The following TMPRSS3 variants were observed in gnomAD, a reference collection of about 807,000 sequenced individuals.
TMPRSS3 encodes transmembrane protease serine 3.
A neutral mutation model predicts 59.6 loss-of-function variants in TMPRSS3; 55 were observed. That is an observed-to-expected ratio of 0.92 (90% CI 0.74 to 1.16). The LOEUF (loss-of-function observed/expected upper bound fraction) is 1.16. Among genes scored for constraint, TMPRSS3 ranks in the 50% most tolerant of loss-of-function variants. The pLI is 0.00. For missense variants in TMPRSS3, 596 were observed against 579.4 expected, an observed-to-expected ratio of 1.03 and a Z score of -0.29; for synonymous variants, 257 against 237.7, an observed-to-expected ratio of 1.08 and a Z score of -0.75.
Position 42,383,212 on chromosome 21 carries a change from C to G in TMPRSS3, c.617-14G>C. 6.2e-7 allele frequency: 1 copy of G among 1,614,036 alleles called. No individual in the cohort carries two copies. Among genetic ancestry groups the G allele is most frequent in the South Asian group, 1.1e-5 (1 of 91,076 alleles). On this transcript the variant is annotated splice_polypyrimidine_tract_variant and intron_variant, in intron 7 of 12. Coordinates refer to ENST00000644384, the MANE Select transcript of TMPRSS3 (RefSeq NM_001256317.3). ...TATGACCACAGGCTATGGAGGGGAA[C>G]AAAGGCTTGTGGGTCCACCCTGCAG...
Position 42,378,557 on chromosome 21 carries a change from G to A in TMPRSS3, c.1048+1560C>T, listed in dbSNP as rs144562087. 9.8e-5 allele frequency among the ~76,000 whole-genome samples: 15 copies of A among 152,320 alleles called. No individual in the cohort carries two copies. The East Asian group carries it at 2.9e-3, about 29-fold the overall frequency. On this transcript the variant is annotated intron_variant, in intron 10 of 12. Coordinates refer to ENST00000644384, the MANE Select transcript of TMPRSS3 (RefSeq NM_001256317.3). Reference sequence around the variant, plus strand: ...AGACACAGGGGGCAAAGCCACGGGAGGAAGGAGGCTGAGGCTGGAGATCCA... The same window carrying A: ...AGACACAGGGGGCAAAGCCACGGGAAGAAGGAGGCTGAGGCTGGAGATCCA...
chr21:42,374,342 G>A (rs2146418535), intron 12 of TMPRSS3, among the ~76,000 whole-genome samples: 1 of 152,370 alleles, frequency 6.6e-6, no homozygotes, highest in South Asian at 2.1e-4. Context: ...GGCAGTGCTG[G>A]AGGTGAAGCT....
chr21:42,382,835 A>G lies in TMPRSS3; in HGVS notation c.782+198T>C, dbSNP rs1423664047. 6.0e-6 allele frequency: 4 copies of G among 669,384 alleles called. No individual in the cohort carries two copies. In the East Asian group the frequency reaches 1.1e-4, roughly 18 times the overall value. The allele number at this position is 669,384 out of a possible 1,614,324, so 41.5% of individuals were successfully genotyped here. On this transcript the variant is annotated intron_variant, in intron 8 of 12. Transcript: ENST00000644384. ...TCTAGGAGCTACAATCCTTAAAACAAGCTCAGGGTCACAAGTTACCCCCAG... is the reference window on the plus strand; with the variant it reads ...TCTAGGAGCTACAATCCTTAAAACAGGCTCAGGGTCACAAGTTACCCCCAG...
intron 2 of TMPRSS3, among the ~76,000 whole-genome samples, chr21:42,393,106 T>TG (rs2052754386): frequency 6.6e-6 from 1 of 152,172 alleles, no homozygotes; most frequent in African/African-American, 2.4e-5. Context: ...TAGCTGGGTG[T>TG]GGGGGCATGT....
At position 42,388,860 on chromosome 21, in the gene TMPRSS3, G is replaced by A; in HGVS notation, c.322+69C>T. On this transcript the variant is annotated intron_variant, in intron 4 of 12. Coordinates refer to ENST00000644384, the MANE Select transcript of TMPRSS3 (RefSeq NM_001256317.3). This position sits in a 1 kb window ranked among gnomAD's most constrained non-coding sequence, Gnocchi z 5.1. Reference sequence around the variant, plus strand: ...GGCAATGACTTGGACCCATTTTACAGATGGGAAGGGTCAGGGTTGGCTTCT... The same window carrying A: ...GGCAATGACTTGGACCCATTTTACAAATGGGAAGGGTCAGGGTTGGCTTCT... 7.4e-7 allele frequency: 1 copy of A among 1,350,958 alleles called. No individual in the cohort carries two copies. Among genetic ancestry groups the A allele is most frequent in the East Asian group, 2.3e-5 (1 of 43,754 alleles). The allele number at this position is 1,350,958 out of a possible 1,614,324, so 83.7% of individuals were successfully genotyped here. A position where few individuals can be genotyped will look rare whatever the true frequency, so the allele number is the denominator to read the frequency against.
At chr21:42,376,071 C>T (rs538732746) in intron 11 of TMPRSS3, among the ~76,000 whole-genome samples, 5 of 152,312 alleles carry the variant, frequency 3.3e-5, no homozygotes, top group African/African-American at 1.2e-4. Flanking sequence ...TCCCTCGGCC[C>T]CTTTGGGGTG....
At chr21:42,393,570 C>A (rs1182316518) in intron 2 of TMPRSS3, among the ~76,000 whole-genome samples, 1 of 152,078 alleles carries the variant, frequency 6.6e-6, no homozygotes, top group Non-Finnish European at 1.5e-5. Flanking sequence ...GGAAACGGAC[C>A]AAATTACCCA....
At chr21:42,380,320 A>T in intron 9 of TMPRSS3, 108 bp from the exon 10 acceptor site, 1 of 885,888 alleles carries the variant, frequency 1.1e-6, no homozygotes, top group Non-Finnish European at 1.8e-6. Context: ...TCCCAAGGGA[A>T]GGAAGGTCAA....
chr21:42,373,652 G>A (rs1298339244), intron 12 of TMPRSS3, among the ~76,000 whole-genome samples: 2 of 152,230 alleles, frequency 1.3e-5, no homozygotes, highest in African/African-American at 2.4e-5. Flanking sequence ...TTTGAGATCT[G>A]TTGATTCTGC....
intron 12 of TMPRSS3, among the ~76,000 whole-genome samples, chr21:42,373,793 G>A (rs1023579023): frequency 6.6e-6 from 1 of 152,158 alleles, no homozygotes; most frequent in Non-Finnish European, 1.5e-5. Flanking sequence ...GGCCCAGGAC[G>A]GTGCTGACAT....
Position 42,388,484 on chromosome 21 carries a change from G to C in TMPRSS3, c.365C>G (p.Ala122Gly), listed in dbSNP as rs1290238977. 6.2e-7 allele frequency: 1 copy of C among 1,614,236 alleles called. No homozygotes were observed. The highest frequency in any genetic ancestry group is 8.5e-7 in the Non-Finnish European group (1 of 1,180,046). Residue 122 changes from alanine (A) to glycine (G), a missense_variant, in exon 5 of 13, where the codon GCT (alanine) becomes GGT (glycine). Ala to Gly is a moderately conservative substitution (Grantham distance 60, BLOSUM62 0). Coordinates refer to ENST00000644384, the MANE Select transcript of TMPRSS3 (RefSeq NM_001256317.3). The surrounding 1 kb of genome is among the most constrained non-coding windows in gnomAD (Gnocchi z 5.1). ...GQNAVLQVFT[A>G]ASWKTMCSDD... is the part of the protein sequence containing the mutation. ...GGAGCACATGGTCTTCCACGAAGCA[G>C]CTGTGAACACCTGGAGCACGGCATT... is the stretch of plus-strand genomic sequence containing the variant.
chr21:42,379,488 G>A (rs1248513795), intron 10 of TMPRSS3, among the ~76,000 whole-genome samples: 1 of 152,162 alleles, frequency 6.6e-6, no homozygotes, highest in Non-Finnish European at 1.5e-5. Flanking sequence ...AAGCCACGCA[G>A]ACTGTGATAA....
At chr21:42,376,011 A>T in intron 11 of TMPRSS3, 143 bp from the exon 12 acceptor site, 1 of 1,113,178 alleles carries the variant, frequency 9.0e-7, no homozygotes, top group Non-Finnish European at 1.3e-6. Context: ...CCCAGGTTAC[A>T]GAAGGGAACC....
At chr21:42,374,397 C>T (rs1218364783) in intron 12 of TMPRSS3, among the ~76,000 whole-genome samples, 1 of 152,252 alleles carries the variant, frequency 6.6e-6, no homozygotes, top group Non-Finnish European at 1.5e-5. Context: ...CCGTGGGCAC[C>T]ATTCTTTAGT....
intron 1 of TMPRSS3, 74 bp downstream of exon 1, chr21:42,395,867 TG>T (rs1407882490): frequency 2.1e-6 from 1 of 481,454 alleles, no homozygotes; most frequent in Non-Finnish European, 4.2e-6. Flanking sequence ...TGTTTTCACC[TG>T]TCCCACATAA....
chr21:42,389,900 T>G (rs760970679), intron 3 of TMPRSS3, 27 bp downstream of exon 3: 61 of 1,532,888 alleles, frequency 4.0e-5, no homozygotes, highest in Non-Finnish European at 5.4e-5. Flanking sequence ...GTATTTGAGA[T>G]CCTACTAAAT....
At position 42,375,461 on chromosome 21, in the gene TMPRSS3, C is replaced by T. The variant is rs182351688; in HGVS notation, c.1344+255G>A. On this transcript the variant is annotated intron_variant, in intron 12 of 12. Transcript: ENST00000644384. ...CTCGCTGCCTCCTCCTTTCCCATGT[C>T]GTGAGGCTCCTTCTTCCTCCCGGGC... is the stretch of plus-strand genomic sequence containing the variant. Among the ~76,000 whole-genome samples, 65 of 151,868 alleles carry T rather than the reference C, an allele frequency of 4.3e-4. No individual in the cohort carries two copies. The East Asian group carries it at 0.012, about 27-fold the overall frequency.
intron 12 of TMPRSS3, 102 bp from the exon 13 acceptor site, chr21:42,372,881 G>C (rs2052359052): frequency 7.1e-7 from 1 of 1,414,552 alleles, no homozygotes; most frequent in African/African-American, 1.4e-5. Flanking sequence ...GGGAATTGTG[G>C]GGCTGTTCTC....
At chr21:42,379,980 G>A in intron 10 of TMPRSS3, 137 bp downstream of exon 10, 3 of 728,464 alleles carry the variant, frequency 4.1e-6, no homozygotes, top group East Asian at 5.4e-5. Flanking sequence ...TGTGTCCCGA[G>A]CAGCTGACAT....
Sources: allele counts gnomAD v4.1 joint callset (sites outside exome capture counted in the v4.1 genomes callset), GRCh38; gene constraint gnomAD v4.1.1; non-coding constraint Gnocchi (gnomAD v3.1); transcripts MANE v1.5; gene names NCBI Gene and HGNC (gene_info 2026-07-23, HGNC 2026-07-21).